AKAP1: variants seen among roughly 807,000 people sequenced by gnomAD.
AKAP1 encodes the protein A-kinase anchor protein 1, mitochondrial.
AKAP1 carries 32 observed loss-of-function variants against 79.8 expected under a neutral mutation model. That is an observed-to-expected ratio of 0.40 (90% CI 0.30 to 0.54). AKAP1 has a LOEUF of 0.54. Ranked by LOEUF, AKAP1 falls within the 20% of genes least tolerant of loss-of-function variation. AKAP1 has a pLI of 0.47. For missense variants in AKAP1, 961 were observed against 1,138.9 expected, an observed-to-expected ratio of 0.84 and a Z score of 2.25; for synonymous variants, 416 against 466.7, an observed-to-expected ratio of 0.89 and a Z score of 1.40.
chr17:57,116,990 T>C lies in AKAP1; in HGVS notation c.2500+63T>C. ...GACAGTTGTTGAGAGTAGGTCTTTC[T>C]CAGAGCCTCCGTTCTCACCTGGAGG... On this transcript the variant is annotated intron_variant, in intron 8 of 10. Transcript: ENST00000337714. 6 of 1,484,038 alleles carry C rather than the reference T, an allele frequency of 4.0e-6. No individual in the cohort carries two copies. The South Asian group carries it at 6.8e-5, about 17-fold the overall frequency. The allele number at this position is 1,484,038 out of a possible 1,614,324, so 91.9% of individuals were successfully genotyped here.
In AKAP1 at chr17:57,105,979, G is replaced by A; in HGVS notation, c.515G>A (p.Ser172Asn). 1.2e-6 allele frequency: 2 copies of A among 1,614,196 alleles called. No individual in the cohort carries two copies. The highest frequency in any genetic ancestry group is 1.7e-6 in the Non-Finnish European group (2 of 1,180,042). The change falls in exon 2 of 11, where the codon AGC (serine) becomes AAC (asparagine). Residue 172 changes from serine (S) to asparagine (N), a missense_variant. Transcript: ENST00000337714. Reference protein sequence around the residue: ...AEVCKQDSPFSRVPRKVQPGY... With the variant: ...AEVCKQDSPFNRVPRKVQPGY... ...GTGTGTAAGCAAGATTCCCCCTTCAGCAGGGTGCCAAGGAAGGTCCAGCCA... is the reference window on the plus strand; with the variant it reads ...GTGTGTAAGCAAGATTCCCCCTTCAACAGGGTGCCAAGGAAGGTCCAGCCA...
chr17:57,107,345 TA>T (rs1914961108), intron 2 of AKAP1, among the ~76,000 whole-genome samples, 167 bp downstream of exon 2: 1 of 152,176 alleles, frequency 6.6e-6, no homozygotes, highest in South Asian at 2.1e-4. Context: ...AGCTGGTGGG[TA>T]ACTGAGGAGT....
chr17:57,106,007 C>A lies in AKAP1; in HGVS notation c.543C>A (p.Gly181=). The A allele has an allele frequency of 1.9e-6, 3 of 1,613,944 alleles. No homozygotes were observed. The highest frequency in any genetic ancestry group is 2.5e-6 in the Non-Finnish European group (3 of 1,180,004). The change falls in exon 2 of 11, where the codon GGC becomes GGA. Residue 181 remains glycine (G), a synonymous_variant. Coordinates refer to ENST00000337714, the MANE Select transcript of AKAP1 (RefSeq NM_003488.4). ...GGGTGCCAAGGAAGGTCCAGCCAGGCTACCCCGTAGTCCCCGCAGAGAAGC... is the reference window on the plus strand; with the variant it reads ...GGGTGCCAAGGAAGGTCCAGCCAGGATACCCCGTAGTCCCCGCAGAGAAGC... ...FSRVPRKVQP[G]YPVVPAEKRS... is the part of the protein sequence containing the mutation.
intron 1 of AKAP1, among the ~76,000 whole-genome samples, chr17:57,104,269 G>A (rs538181394): frequency 6.6e-6 from 1 of 152,232 alleles, no homozygotes; most frequent in African/African-American, 2.4e-5. Flanking sequence ...GCCCAGCCTC[G>A]ATTCACTTTT....
At chr17:57,107,264 T>G (rs1914953960) in intron 2 of AKAP1, 86 bp downstream of exon 2, 15 of 1,506,704 alleles carry the variant, frequency 1.0e-5, no homozygotes, top group Non-Finnish European at 1.3e-5. Context: ...TCCCTTCTGC[T>G]ACTTGTGCAG....
intron 3 of AKAP1, 40 bp downstream of exon 3, chr17:57,110,198 C>G: frequency 6.2e-7 from 1 of 1,608,806 alleles, no homozygotes; most frequent in South Asian, 1.1e-5. Context: ...GTGGTAAGCC[C>G]AAAGCTCCCT....
chr17:57,106,532 CT>C lies in AKAP1; in HGVS notation c.1069del (p.Ser357GlnfsTer80). ...CCTTCCAGATAATCTCCCAAGTGAT[CT>C]CAGAAGCAACCGAACAGGTGCTGGC... The part of the protein sequence containing the change: ...AAFQIISQVI[S>X]EATEQVLATT... On this transcript the variant is annotated frameshift_variant, in exon 2 of 11. Transcript: ENST00000337714. LOFTEE classifies it high-confidence loss of function. 6.2e-7 allele frequency: 1 copy of C among 1,614,156 alleles called. No homozygotes were observed. The highest frequency in any genetic ancestry group is 8.5e-7 in the Non-Finnish European group (1 of 1,180,032).
chr17:57,109,876 CTAGACTG>C (rs1915127770), intron 2 of AKAP1, 142 bp from the exon 3 acceptor site: 1 of 1,041,908 alleles, frequency 9.6e-7, no homozygotes, highest in East Asian at 2.5e-5. Flanking sequence ...TCTGAGCCTT[CTAGACTG>C]TAAGTTGACA....
In AKAP1 at chr17:57,106,871, C is replaced by T; in HGVS notation, c.1407C>T (p.Thr469=). ...ISLASCLALT[T]PSEELPDRAG... ...TGGCCTCCTGCCTGGCACTGACCAC[C>T]CCCAGTGAAGAGTTGCCGGACCGGG... The change falls in exon 2 of 11, where the codon ACC becomes ACT. Residue 469 remains threonine, a synonymous_variant. Coordinates refer to ENST00000337714, the MANE Select transcript of AKAP1 (RefSeq NM_003488.4). 6.2e-7 allele frequency: 1 copy of T among 1,613,968 alleles called. No individual in the cohort carries two copies. The highest frequency in any genetic ancestry group is 8.5e-7 in the Non-Finnish European group (1 of 1,179,840).
intron 1 of AKAP1, chr17:57,095,748 T>C (rs756043434): frequency 2.0e-5 from 3 of 152,192 alleles, no homozygotes; most frequent in Non-Finnish European, 2.9e-5. Context: ...ACATCTTTTC[T>C]GATGTCTTTA....
At chr17:57,116,984 T>TA in intron 8 of AKAP1, 57 bp downstream of exon 8, 1 of 1,518,118 alleles carries the variant, frequency 6.6e-7, no homozygotes, top group East Asian at 2.3e-5. Flanking sequence ...TGAGAGTAGG[T>TA]CTTTCTCAGA....
At position 57,104,259 on chromosome 17, in the gene AKAP1, G is replaced by A. The variant is rs547157591; in HGVS notation, c.-24-1182G>A. On this transcript the variant is annotated intron_variant, in intron 1 of 10. Transcript: ENST00000337714. ...TCAGGCTTCAGGCATGAGCCACTGC[G>A]CCCAGCCTCGATTCACTTTTCATCC... Among the ~76,000 whole-genome samples, 15 of 152,206 alleles carry A rather than the reference G, an allele frequency of 9.9e-5. No homozygotes were observed. The South Asian group carries it at 1.2e-3, about 13-fold the overall frequency.
intron 1 of AKAP1, among the ~76,000 whole-genome samples, chr17:57,103,496 G>A (rs991481628): frequency 5.3e-5 from 8 of 152,196 alleles, no homozygotes; most frequent in South Asian, 2.1e-4. Context: ...CTAGAGTAGT[G>A]GTTCCCAGCC....
At position 57,114,446 on chromosome 17, in the gene AKAP1, T is replaced by A. The variant is rs536572385; in HGVS notation, c.2104-13T>A. 1.2e-4 allele frequency: 201 copies of A among 1,613,042 alleles called. 2 individuals carry two copies. The South Asian group carries it at 2.1e-3, about 17-fold the overall frequency. On this transcript the variant is annotated splice_polypyrimidine_tract_variant and intron_variant, in intron 5 of 10. Coordinates refer to ENST00000337714, the MANE Select transcript of AKAP1 (RefSeq NM_003488.4). ...GGATTGTTTCAGTGACCGCTCCCCC[T>A]TCCCCTCTACAGCTCATGCTGCCTG...
At chr17:57,113,087 G>T (rs1056666848) in intron 5 of AKAP1, among the ~76,000 whole-genome samples, 2 of 152,180 alleles carry the variant, frequency 1.3e-5, no homozygotes, top group Non-Finnish European at 2.9e-5. Flanking sequence ...TCCCCAGGAG[G>T]TGCCTAAATT....
chr17:57,105,251 C>T (rs1428005234), intron 1 of AKAP1, among the ~76,000 whole-genome samples, 190 bp from the exon 2 acceptor site: 1 of 152,158 alleles, frequency 6.6e-6, no homozygotes, highest in African/African-American at 2.4e-5. Context: ...TCTTCCTGGC[C>T]ACTGACCCCC....
At chr17:57,109,835 A>G (rs1174027770) in intron 2 of AKAP1, among the ~76,000 whole-genome samples, 190 bp from the exon 3 acceptor site, 1 of 152,100 alleles carries the variant, frequency 6.6e-6, no homozygotes, top group East Asian at 1.9e-4. Context: ...AGGTGTATCG[A>G]CACCCCCAGT....
intron 2 of AKAP1, among the ~76,000 whole-genome samples, chr17:57,108,907 C>T (rs541661322): frequency 6.6e-6 from 1 of 152,352 alleles, no homozygotes; most frequent in African/African-American, 2.4e-5. Flanking sequence ...CCCCCTCGCC[C>T]AGCCCCTGTC....
intron 10 of AKAP1, 79 bp from the exon 11 acceptor site, chr17:57,120,171 G>A: frequency 1.5e-6 from 2 of 1,344,674 alleles, no homozygotes; most frequent in Non-Finnish European, 2.1e-6. Flanking sequence ...GGCAACCGGG[G>A]AGGGGAGAAC....
Sources: allele counts gnomAD v4.1 joint callset (sites outside exome capture counted in the v4.1 genomes callset), GRCh38; gene constraint gnomAD v4.1.1; transcripts MANE v1.5; gene names NCBI Gene and HGNC (gene_info 2026-07-23, HGNC 2026-07-21).